Variants in MMD2 observed in about 807,000 individuals in gnomAD.
MMD2 encodes the protein monocyte to macrophage differentiation factor 2.
In MMD2, 30 loss-of-function variants were observed where a neutral mutation model predicts 33.5. The ratio of observed to expected loss-of-function variants is 0.90; its 90% CI spans 0.67 to 1.22. The LOEUF (loss-of-function observed/expected upper bound fraction) is 1.22. Among genes scored for constraint, MMD2 ranks in the 50% most tolerant of loss-of-function variants. The probability of loss-of-function intolerance (pLI) is 0.00; values close to 1 mark genes in which losing one functional copy is unlikely to be tolerated. For synonymous variants in MMD2, 129 were observed against 123.0 expected (o/e 1.05, Z -0.32); for missense variants, 364 against 325.4 (o/e 1.12, Z -0.91).
chr7:4,893,581 A>T, the MMD2 span, among the ~76,000 whole-genome samples: 1 of 151,704 alleles, frequency 6.6e-6, no homozygotes, highest in East Asian at 1.9e-4. Context: ...TAGTACAGAC[A>T]TGGTTTTGCC....
chr7:4,895,306 C>A, the MMD2 span, among the ~76,000 whole-genome samples: 1 of 152,188 alleles, frequency 6.6e-6, no homozygotes, highest in Non-Finnish European at 1.5e-5. Context: ...AAACTCCTGA[C>A]CTCAGGTGAT....
intron 2 of MMD2, among the ~76,000 whole-genome samples, chr7:4,921,292 C>T (rs111302531): frequency 7.9e-5 from 12 of 152,016 alleles, no homozygotes; most frequent in African/African-American, 1.7e-4. Context: ...GCAGCACAGG[C>T]GCCCAGGTAC....
At chr7:4,931,180 T>C (rs1054463188) in intron 1 of MMD2, among the ~76,000 whole-genome samples, 1 of 152,072 alleles carries the variant, frequency 6.6e-6, no homozygotes. Flanking sequence ...TTTGTTTTTT[T>C]GAGAAAGGGT....
intron 1 of MMD2, among the ~76,000 whole-genome samples, chr7:4,927,307 G>C (rs13306993): frequency 0.44 from 67,440 of 151,792 alleles, 16,337 homozygotes; most frequent in Non-Finnish European, 0.55. Context: ...CACTTTAAGA[G>C]GCCGAGGCAG....
chr7:4,952,688 G>C (rs1004155140), intron 1 of MMD2, among the ~76,000 whole-genome samples: 3 of 107,242 alleles, frequency 2.8e-5, no homozygotes, highest in Non-Finnish European at 5.8e-5. Flanking sequence ...CTCCGTATGA[G>C]ATTTTTTTTT....
rs1165504272 is a variant in MMD2, at chr7:4,938,002, C to CTTTTTTTTT, written c.48-12479_48-12471dup. 4.5e-3 allele frequency among the ~76,000 whole-genome samples: 204 copies of CTTTTTTTTT among 45,642 alleles called. 4 individuals are homozygous for CTTTTTTTTT. The highest frequency in any genetic ancestry group is 5.8e-3 in the Non-Finnish European group (163 of 28,302). 29.9% of individuals were successfully genotyped at this position (45,642 alleles called of 152,430 possible). A position where few individuals can be genotyped will look rare whatever the true frequency, so the allele number is the denominator to read the frequency against. ...TTTTTTTTTCTTTTTTTCTTTCTTT[C>CTTTTTTTTT]TTTTTTTTTTTTTTTTTTTTTTTTT... On this transcript the variant is annotated intron_variant, in intron 1 of 6. Transcript: ENST00000401401.
chr7:4,943,528 A>G (rs1785969709), intron 1 of MMD2, among the ~76,000 whole-genome samples: 1 of 152,122 alleles, frequency 6.6e-6, no homozygotes. Flanking sequence ...GTCCCCTAGC[A>G]GTGCCCATTA....
intron 1 of MMD2, among the ~76,000 whole-genome samples, chr7:4,930,198 G>A (rs1038295490): frequency 1.3e-5 from 2 of 151,032 alleles, no homozygotes; most frequent in South Asian, 4.2e-4. Flanking sequence ...GAACCCAGGA[G>A]GTGGAGGTTG....
At chr7:4,902,504 C>G (rs1326924319), downstream of MMD2, among the ~76,000 whole-genome samples, 3 of 152,164 alleles carry the variant, frequency 2.0e-5, no homozygotes, top group Non-Finnish European at 4.4e-5. Context: ...CGGGGGGAGT[C>G]TGTGTGAATC....
chr7:4,929,066 C>G (rs1277359256), intron 1 of MMD2, among the ~76,000 whole-genome samples: 1 of 152,108 alleles, frequency 6.6e-6, no homozygotes, highest in Admixed American at 6.6e-5. Flanking sequence ...GAAAGCTGGG[C>G]AGGGGGGTCT....
the MMD2 span, among the ~76,000 whole-genome samples, chr7:4,899,920 C>G: frequency 2.0e-5 from 3 of 152,120 alleles, no homozygotes; most frequent in Non-Finnish European, 4.4e-5. Flanking sequence ...GGGCAAAAAT[C>G]CATTGAAAGT....
At chr7:4,904,595 AG>A (rs1784837043), downstream of MMD2, among the ~76,000 whole-genome samples, 1 of 152,178 alleles carries the variant, frequency 6.6e-6, no homozygotes, top group African/African-American at 2.4e-5. Context: ...CTTTAGGATC[AG>A]GGGTTGCTTT....
At chr7:4,917,815 G>A (rs1370270007) in intron 3 of MMD2, among the ~76,000 whole-genome samples, 3 of 152,174 alleles carry the variant, frequency 2.0e-5, no homozygotes, top group Non-Finnish European at 4.4e-5. Context: ...AATGGTGCCA[G>A]CCTCCACAAT....
the MMD2 span, among the ~76,000 whole-genome samples, chr7:4,895,684 G>C: frequency 6.6e-6 from 1 of 152,014 alleles, no homozygotes; most frequent in African/African-American, 2.4e-5. Context: ...TAATAGGCGC[G>C]CACCACCACA....
intron 1 of MMD2, among the ~76,000 whole-genome samples, chr7:4,954,302 T>C (rs1786327741): frequency 6.6e-6 from 1 of 152,220 alleles, no homozygotes; most frequent in Non-Finnish European, 1.5e-5. Flanking sequence ...CTATTTCTTA[T>C]TCTCTATATA....
chr7:4,937,545 G>A (rs985011822), intron 1 of MMD2, among the ~76,000 whole-genome samples: 2 of 152,288 alleles, frequency 1.3e-5, no homozygotes, highest in East Asian at 3.9e-4. Flanking sequence ...TTCTCGCCCT[G>A]TCATTCACGC....
downstream of MMD2, among the ~76,000 whole-genome samples, chr7:4,903,639 G>C (rs1437673912): frequency 6.6e-6 from 1 of 152,232 alleles, no homozygotes; most frequent in Non-Finnish European, 1.5e-5. Context: ...CGCAGCCGGG[G>C]TGTGGGAGGT....
intron 1 of MMD2, among the ~76,000 whole-genome samples, chr7:4,928,163 A>G (rs1261265179): frequency 6.6e-6 from 1 of 152,178 alleles, no homozygotes; most frequent in African/African-American, 2.4e-5. Context: ...GTTAAACTCC[A>G]CTAAACACAC....
chr7:4,915,977 G>T (rs758914498), intron 4 of MMD2, 28 bp downstream of exon 4: 9 of 1,605,808 alleles, frequency 5.6e-6, no homozygotes, highest in African/African-American at 4.0e-5. Context: ...GCCGCCAAGG[G>T]TTTGCTGGGC....
Sources: gnomAD v4.1 joint callset for allele counts (sites outside exome capture counted in the v4.1 genomes callset) on GRCh38, gnomAD v4.1.1 for gene constraint, MANE v1.5 for transcripts, NCBI Gene and HGNC (gene_info 2026-07-23, HGNC 2026-07-21) for gene names.